CCNJL: variants seen among roughly 807,000 people sequenced by gnomAD.
CCNJL encodes cyclin J like, also known as cyclin-J-like protein.
In CCNJL, 33 loss-of-function variants were observed where a neutral mutation model predicts 33.4. The ratio of observed to expected loss-of-function variants is 0.99; its 90% confidence interval spans 0.75 to 1.32. The LOEUF is 1.32. Ranked by LOEUF, CCNJL falls within the 40% of genes most tolerant of loss-of-function variation. The pLI is 0.00. For missense variants in CCNJL, 512 were observed against 499.7 expected (o/e 1.02, Z -0.23); for synonymous variants, 227 against 220.9 (o/e 1.03, Z -0.24).
chr5:160,280,537 G>A lies in CCNJL; in HGVS notation c.268C>T (p.Leu90Phe). The change falls in exon 3 of 6, where the codon CTC becomes TTC. Residue 90 changes from leucine to phenylalanine, a missense_variant. Coordinates refer to ENST00000257536, the MANE Select transcript of CCNJL (RefSeq NM_001308173.3). ...GGTTTTCGCTTACTTGCAAGCAGGA[G>A]GCAGGAGACGGCCACGGTGTAGAGC... Reference protein sequence around the residue: ...KQLYTVAVSCLLLASKFEDRE... With the variant: ...KQLYTVAVSCFLLASKFEDRE... 5 of 1,612,594 alleles carry A rather than the reference G, an allele frequency of 3.1e-6. No homozygotes were observed. Among genetic ancestry groups the A allele is most frequent in the Non-Finnish European group, 4.2e-6 (5 of 1,179,892 alleles).
intron 1 of CCNJL, among the ~76,000 whole-genome samples, chr5:160,327,174 G>C (rs1259801151): frequency 1.3e-5 from 2 of 151,854 alleles, no homozygotes; most frequent in East Asian, 3.9e-4. Flanking sequence ...TCATACTCCA[G>C]CTGTGCCACC....
intron 2 of CCNJL, among the ~76,000 whole-genome samples, chr5:160,295,375 GCTA>G (rs1372770243): frequency 1.3e-5 from 2 of 152,178 alleles, no homozygotes; most frequent in African/African-American, 4.8e-5. Context: ...CGTAGTCCCA[GCTA>G]CTCGGGAGGC....
chr5:160,303,965 G>A (rs376992919), intron 2 of CCNJL, among the ~76,000 whole-genome samples: 3 of 152,246 alleles, frequency 2.0e-5, no homozygotes, highest in East Asian at 1.9e-4. Flanking sequence ...GCCAACCAGG[G>A]TGCCCAGCCA....
intron 3 of CCNJL, among the ~76,000 whole-genome samples, chr5:160,270,416 C>G (rs183178218): frequency 6.6e-6 from 1 of 152,032 alleles, no homozygotes; most frequent in Non-Finnish European, 1.5e-5. Flanking sequence ...TGCACACCAG[C>G]CTGGGTGACA....
intron 3 of CCNJL, among the ~76,000 whole-genome samples, chr5:160,277,296 C>A (rs1174943294): frequency 6.6e-6 from 1 of 152,094 alleles, no homozygotes; most frequent in Non-Finnish European, 1.5e-5. Flanking sequence ...GTAGAAAGAA[C>A]AGTAAGGAAG....
chr5:160,265,766 T>C (rs768664799), intron 3 of CCNJL, among the ~76,000 whole-genome samples: 9 of 151,322 alleles, frequency 5.9e-5, no homozygotes, highest in East Asian at 1.9e-4. Flanking sequence ...TGAGGCAGAA[T>C]TGCTTGAACC....
In CCNJL at chr5:160,286,105, T is replaced by C. The variant is rs536221345; in HGVS notation, c.67-5367A>G. On this transcript the variant is annotated intron_variant, in intron 2 of 5. Transcript: ENST00000257536. ...GAAATTAGACTTAGCCAAGTGACCT[T>C]TGGCCGGGCCACGCTGCCTTCATCA... Among the ~76,000 whole-genome samples, 185 of 152,308 alleles carry C rather than the reference T, an allele frequency of 1.2e-3. 3 individuals carry two copies. Among genetic ancestry groups the C allele is most frequent in the African/African-American group, 4.4e-3 (184 of 41,566 alleles).
At chr5:160,303,937 T>TCAGA (rs1554123444) in intron 2 of CCNJL, among the ~76,000 whole-genome samples, 1 of 107,638 alleles carries the variant, frequency 9.3e-6, no homozygotes, top group African/African-American at 4.5e-5. Context: ...CTCCACTCCC[T>TCAGA]TAGCACAGGC....
rs1315457751 is a variant in CCNJL at position 160,250,761 on chromosome 5, TAA to T, written c.*2615_*2616del. 1.3e-5 allele frequency: 2 copies of T among 152,250 alleles called. No homozygotes were observed. The highest frequency in any genetic ancestry group is 2.4e-5 in the African/African-American group (1 of 41,476). 9.4% of individuals were successfully genotyped at this position (152,250 alleles called of 1,614,324 possible). ...CAAACTGCCTCATGATTTAGTTTTC[TAA>T]AAAGTCTTATTAGTGCATAAAATAA... On this transcript the variant is annotated 3_prime_UTR_variant, in exon 6 of 6. Coordinates refer to ENST00000257536, the MANE Select transcript of CCNJL (RefSeq NM_001308173.3).
At chr5:160,282,996 T>TATATAC (rs1762283039) in intron 2 of CCNJL, among the ~76,000 whole-genome samples, 1 of 58,172 alleles carries the variant, frequency 1.7e-5, no homozygotes, top group Non-Finnish European at 3.1e-5. Flanking sequence ...TATATATATA[T>TATATAC]ATATATATAT....
At chr5:160,292,825 A>T (rs1762630634) in intron 2 of CCNJL, among the ~76,000 whole-genome samples, 1 of 152,218 alleles carries the variant, frequency 6.6e-6, no homozygotes, top group African/African-American at 2.4e-5. Flanking sequence ...AGCTTCAAAA[A>T]TTATAAACTA....
At chr5:160,254,604 CCAGT>C in intron 5 of CCNJL, 1 of 351,456 alleles carries the variant, frequency 2.8e-6, no homozygotes, top group Non-Finnish European at 5.1e-6. Flanking sequence ...ACACAGCCCA[CCAGT>C]CAGTCAGGCC....
rs1446410462 is a variant in CCNJL, at chr5:160,251,288, C to G, written c.*2090G>C. ...CCTGCCCTACAGATTTTGAACTCTA[C>G]TGCAACATCAGCTCTTACCTGAATT... On this transcript the variant is annotated 3_prime_UTR_variant, in exon 6 of 6. Transcript: ENST00000257536. 1.3e-5 allele frequency: 2 copies of G among 152,252 alleles called. No homozygotes were observed. Among genetic ancestry groups the G allele is most frequent in the Non-Finnish European group, 2.9e-5 (2 of 68,046 alleles). 9.4% of individuals were successfully genotyped at this position (152,252 alleles called of 1,614,324 possible). A position where few individuals can be genotyped will look rare whatever the true frequency, so the allele number is the denominator to read the frequency against.
At position 160,251,252 on chromosome 5, in the gene CCNJL, C is replaced by T. The variant is rs1328748742; in HGVS notation, c.*2126G>A. 1 of 152,210 alleles carries T rather than the reference C, an allele frequency of 6.6e-6. No individual in the cohort carries two copies. The highest frequency in any genetic ancestry group is 2.4e-5 in the African/African-American group (1 of 41,446). The allele number at this position is 152,210 out of a possible 1,614,324, so 9.4% of individuals were successfully genotyped here. A position where few individuals can be genotyped will look rare whatever the true frequency, so the allele number is the denominator to read the frequency against. On this transcript the variant is annotated 3_prime_UTR_variant, in exon 6 of 6. Coordinates refer to ENST00000257536, the MANE Select transcript of CCNJL (RefSeq NM_001308173.3). Reference sequence around the variant, plus strand: ...AACACAGAAATCATGCCTGAGTTTCCAGCCTGTGGGCCTGCCCTACAGATT... The same window carrying T: ...AACACAGAAATCATGCCTGAGTTTCTAGCCTGTGGGCCTGCCCTACAGATT...
chr5:160,327,417 C>T lies in CCNJL; in HGVS notation n.207-11912G>A, dbSNP rs549986163. 3.9e-5 allele frequency among the ~76,000 whole-genome samples: 6 copies of T among 152,366 alleles called. No individual in the cohort carries two copies. In the East Asian group the frequency reaches 9.6e-4, roughly 24 times the overall value. On this transcript the variant is annotated intron_variant and non_coding_transcript_variant, in intron 1 of 7. Coordinates refer to the CCNJL transcript ENST00000377503. ...GGGGAAATGGAGCAGGCAGCAGACA[C>T]CACTGATACCTGTTGCACAGCCACT...
intron 1 of CCNJL, among the ~76,000 whole-genome samples, chr5:160,335,943 T>C (rs1402640986): frequency 2.0e-5 from 3 of 152,124 alleles, no homozygotes; most frequent in Admixed American, 2.0e-4. Context: ...GATTCTCTTC[T>C]AGCTCTGTAG....
At chr5:160,320,550 G>C (rs1243169043) in intron 1 of CCNJL, among the ~76,000 whole-genome samples, 1 of 152,180 alleles carries the variant, frequency 6.6e-6, no homozygotes, top group Admixed American at 6.5e-5. Context: ...GTCCACACCA[G>C]CCACAGTGCC....
intron 2 of CCNJL, among the ~76,000 whole-genome samples, chr5:160,289,754 C>T (rs1429909469): frequency 1.3e-5 from 2 of 152,212 alleles, no homozygotes; most frequent in Admixed American, 1.3e-4. Flanking sequence ...CTGGACAGGT[C>T]TCTGAAGATT....
At chr5:160,285,609 T>A (rs892424952) in intron 2 of CCNJL, among the ~76,000 whole-genome samples, 1 of 152,122 alleles carries the variant, frequency 6.6e-6, no homozygotes, top group South Asian at 2.1e-4. Flanking sequence ...AGTTGTACAA[T>A]TTACCTGTTG....
Sources: allele counts gnomAD v4.1 joint callset (sites outside exome capture counted in the v4.1 genomes callset), GRCh38; gene constraint gnomAD v4.1.1; transcripts MANE v1.5; gene names NCBI Gene and HGNC (gene_info 2026-07-23, HGNC 2026-07-21).